PLXDC2: variants seen among roughly 807,000 people sequenced by gnomAD.
PLXDC2 encodes the protein plexin domain-containing protein 2.
PLXDC2 carries 40 observed loss-of-function variants against 68.9 expected under a neutral mutation model. The observed-to-expected ratio is 0.58, with a 90% CI of 0.45 to 0.76. The LOEUF is 0.76. Ranked by LOEUF, PLXDC2 falls within the 30% of genes least tolerant of loss-of-function variation. PLXDC2 has a pLI of 0.00. For missense variants in PLXDC2, 644 were observed against 661.9 expected, an observed-to-expected ratio of 0.97 and a Z score of 0.30; for synonymous variants, 243 against 234.2, an observed-to-expected ratio of 1.04 and a Z score of -0.34.
At chr10:20,166,733 A>C (rs1834379974) in intron 7 of PLXDC2, among the ~76,000 whole-genome samples, 2 of 152,210 alleles carry the variant, frequency 1.3e-5, no homozygotes, top group Middle Eastern at 3.4e-3. Flanking sequence ...AAAATACAAA[A>C]ATTTTTTTTA....
intron 1 of PLXDC2, among the ~76,000 whole-genome samples, chr10:19,829,179 T>TG (rs1207918645): frequency 8.2e-6 from 1 of 122,674 alleles, no homozygotes; most frequent in Non-Finnish European, 1.7e-5. Context: ...TTTTTTTTTT[T>TG]GGCTTTTTGT....
At position 19,977,905 on chromosome 10, in the gene PLXDC2, A is replaced by G. The variant is rs574402191; in HGVS notation, c.113-23870A>G. Among the ~76,000 whole-genome samples the G allele has an allele frequency of 1.8e-3, 271 of 152,290 alleles. 3 individuals are homozygous for G. In the South Asian group the frequency reaches 0.026, roughly 14 times the overall value. On this transcript the variant is annotated intron_variant, in intron 1 of 13. Coordinates refer to ENST00000377252, the MANE Select transcript of PLXDC2 (RefSeq NM_032812.9). ...ATTAGGCTTCAATATATAAATCTTG[A>G]AAAATGTAAACATTTAGTTAATAGC...
At chr10:19,952,169 A>G (rs1834002179) in intron 1 of PLXDC2, among the ~76,000 whole-genome samples, 2 of 152,192 alleles carry the variant, frequency 1.3e-5, no homozygotes, top group South Asian at 4.1e-4. Flanking sequence ...ATTTTAAAAA[A>G]TACATTTTTT....
At chr10:20,170,106 A>G (rs1160805817) in intron 7 of PLXDC2, among the ~76,000 whole-genome samples, 2 of 152,202 alleles carry the variant, frequency 1.3e-5, no homozygotes, top group East Asian at 1.9e-4. Context: ...AAATACTACA[A>G]AGAGGGTCTT....
At chr10:20,245,029 G>T (rs761090943) in intron 12 of PLXDC2, among the ~76,000 whole-genome samples, 1 of 152,130 alleles carries the variant, frequency 6.6e-6, no homozygotes, top group Non-Finnish European at 1.5e-5. Flanking sequence ...CAGGAGAATC[G>T]CTTGAACCCA....
intron 3 of PLXDC2, among the ~76,000 whole-genome samples, chr10:20,056,265 C>A (rs1835996668): frequency 6.6e-6 from 1 of 152,128 alleles, no homozygotes; most frequent in African/African-American, 2.4e-5. Context: ...GGTTAATCCC[C>A]TTTGTCCCAA....
At chr10:20,105,806 C>T (rs1343703637) in intron 4 of PLXDC2, among the ~76,000 whole-genome samples, 1 of 152,220 alleles carries the variant, frequency 6.6e-6, no homozygotes, top group Non-Finnish European at 1.5e-5. Context: ...CATTCAGAGC[C>T]ACACTCGGTA....
At position 19,893,273 on chromosome 10, in the gene PLXDC2, C is replaced by T. The variant is rs565795627; in HGVS notation, c.112+76082C>T. Reference sequence around the variant, plus strand: ...GTATACTTACTTCCAAGGCTGAATACACATTCGAAGTGTCTAATATTCTTG... The same window carrying T: ...GTATACTTACTTCCAAGGCTGAATATACATTCGAAGTGTCTAATATTCTTG... On this transcript the variant is annotated intron_variant, in intron 1 of 13. Transcript: ENST00000377252. 3.5e-4 allele frequency among the ~76,000 whole-genome samples: 53 copies of T among 152,258 alleles called. 2 individuals are homozygous for T. Among genetic ancestry groups the T allele is most frequent in the Admixed American group, 3.3e-3 (51 of 15,300 alleles).
At chr10:20,233,811 A>G (rs1835395942) in intron 12 of PLXDC2, among the ~76,000 whole-genome samples, 1 of 151,914 alleles carries the variant, frequency 6.6e-6, no homozygotes, top group African/African-American at 2.4e-5. Flanking sequence ...CTAATCATAG[A>G]GTTATTTTTA....
intron 12 of PLXDC2, among the ~76,000 whole-genome samples, chr10:20,225,646 C>T (rs1835276568): frequency 6.6e-6 from 1 of 152,160 alleles, no homozygotes; most frequent in African/African-American, 2.4e-5. Flanking sequence ...CTCTCCCAAA[C>T]TTTTATCTAG....
At chr10:19,925,185 C>T (rs1349322601) in intron 1 of PLXDC2, among the ~76,000 whole-genome samples, 2 of 152,144 alleles carry the variant, frequency 1.3e-5, no homozygotes, top group African/African-American at 2.4e-5. Flanking sequence ...CAGGAAAGTC[C>T]GTCGAACTTA....
At chr10:20,131,932 A>T (rs1329620130) in intron 4 of PLXDC2, among the ~76,000 whole-genome samples, 1 of 151,636 alleles carries the variant, frequency 6.6e-6, no homozygotes, top group Non-Finnish European at 1.5e-5. Context: ...GAGGTGTCAT[A>T]TTAGGTTGCT....
intron 1 of PLXDC2, among the ~76,000 whole-genome samples, chr10:19,921,449 T>C (rs1833460324): frequency 6.6e-6 from 1 of 152,222 alleles, no homozygotes; most frequent in Non-Finnish European, 1.5e-5. Context: ...TGGAAAGCTA[T>C]GACATTCACT....
chr10:19,856,539 G>A (rs763943280), intron 1 of PLXDC2, among the ~76,000 whole-genome samples: 3 of 152,136 alleles, frequency 2.0e-5, no homozygotes, highest in East Asian at 1.9e-4. Context: ...AAAAGTTCAC[G>A]TTGAGTTTGA....
intron 4 of PLXDC2, among the ~76,000 whole-genome samples, chr10:20,074,052 A>T (rs183764010): frequency 1.3e-5 from 2 of 152,126 alleles, no homozygotes; most frequent in Non-Finnish European, 2.9e-5. Flanking sequence ...TGGCCCCAGA[A>T]TGTAAGTATG....
At position 19,817,025 on chromosome 10, in the gene PLXDC2, C is replaced by T. The variant is rs537578437; in HGVS notation, c.-55C>T. 4 of 1,368,580 alleles carry T rather than the reference C, an allele frequency of 2.9e-6. No individual in the cohort carries two copies. The East Asian group carries it at 7.5e-5, about 26-fold the overall frequency. The allele number at this position is 1,368,580 out of a possible 1,614,324, so 84.8% of individuals were successfully genotyped here. ...CCGGTCGTGCCTATTGCATCGGGAG[C>T]CCCCGAGCACCGGCGAAGGACTGGC... On this transcript the variant is annotated 5_prime_UTR_variant, in exon 1 of 14. Coordinates refer to ENST00000377252, the MANE Select transcript of PLXDC2 (RefSeq NM_032812.9).
chr10:19,909,893 A>G (rs948367944), intron 1 of PLXDC2, among the ~76,000 whole-genome samples: 1 of 152,134 alleles, frequency 6.6e-6, no homozygotes, highest in African/African-American at 2.4e-5. Context: ...TGTTCAATGT[A>G]TTTCTAGAGA....
chr10:19,931,712 G>GC (rs938504561), intron 1 of PLXDC2, among the ~76,000 whole-genome samples: 3 of 152,086 alleles, frequency 2.0e-5, no homozygotes, highest in Non-Finnish European at 2.9e-5. Context: ...CTGCCTTCCT[G>GC]CCCCACAGGA....
chr10:19,830,992 TC>T (rs2131309317), intron 1 of PLXDC2, among the ~76,000 whole-genome samples: 1 of 112,064 alleles, frequency 8.9e-6, no homozygotes, highest in Non-Finnish European at 2.0e-5. Flanking sequence ...CAGGTTTGTT[TC>T]CTTTTTTTTT....
Sources: gnomAD v4.1 joint callset for allele counts (sites outside exome capture counted in the v4.1 genomes callset) on GRCh38, gnomAD v4.1.1 for gene constraint, MANE v1.5 for transcripts, NCBI Gene and HGNC (gene_info 2026-07-23, HGNC 2026-07-21) for gene names.